TSHZ2: variants seen among roughly 807,000 people sequenced by gnomAD.
TSHZ2 encodes teashirt zinc finger homeobox 2.
In TSHZ2, 21 loss-of-function variants were observed where a neutral mutation model predicts 74.4. The observed-to-expected ratio is 0.28, with a 90% CI of 0.20 to 0.41. The LOEUF (loss-of-function observed/expected upper bound fraction) is 0.41, where lower values mean the gene tolerates loss of function less well. TSHZ2 is among the 10% of genes least tolerant of loss of function. TSHZ2 has a pLI of 1.00. For synonymous variants in TSHZ2, 540 were observed against 515.3 expected (o/e 1.05, Z -0.65); for missense variants, 1,244 against 1,293.5 (o/e 0.96, Z 0.59).
At chr20:53,298,766 G>A (rs992726811) in intron 2 of TSHZ2, among the ~76,000 whole-genome samples, 1 of 152,214 alleles carries the variant, frequency 6.6e-6, no homozygotes, top group Non-Finnish European at 1.5e-5. Context: ...CAATAGCATA[G>A]AAGAGTGTGA....
intron 1 of TSHZ2, among the ~76,000 whole-genome samples, chr20:53,235,224 G>A (rs1047149300): frequency 2.0e-5 from 3 of 152,016 alleles, no homozygotes; most frequent in Non-Finnish European, 4.4e-5. Flanking sequence ...CTGGAGTACA[G>A]TGTCATGATC....
chr20:53,380,953 G>T (rs1433631486), intron 2 of TSHZ2, among the ~76,000 whole-genome samples: 4 of 152,062 alleles, frequency 2.6e-5, no homozygotes, highest in Admixed American at 2.6e-4. Context: ...GACTATGCTG[G>T]TCTCATCAAT....
In TSHZ2 at chr20:53,101,448, C is replaced by T. The variant is rs1317745416; in HGVS notation, c.40+128115C>T. ...ATTGTAGCAACTTTTAATATCCCACCGTCGTTCTTGGTAGAAGCCAGGAAA... is the reference window on the plus strand; with the variant it reads ...ATTGTAGCAACTTTTAATATCCCACTGTCGTTCTTGGTAGAAGCCAGGAAA... On this transcript the variant is annotated intron_variant, in intron 1 of 2. Transcript: ENST00000371497. Among the ~76,000 whole-genome samples, 6 of 152,120 alleles carry T rather than the reference C, an allele frequency of 3.9e-5. No homozygotes were observed. The East Asian group carries it at 9.6e-4, about 24-fold the overall frequency.
intron 2 of TSHZ2, among the ~76,000 whole-genome samples, chr20:53,350,004 C>CT (rs1171081011): frequency 2.6e-5 from 4 of 152,298 alleles, no homozygotes; most frequent in African/African-American, 9.6e-5. Context: ...GGGCCTCTTC[C>CT]TTGAATTACT....
At chr20:53,395,910 C>A (rs1982427136) in intron 2 of TSHZ2, among the ~76,000 whole-genome samples, 1 of 152,124 alleles carries the variant, frequency 6.6e-6, no homozygotes, top group South Asian at 2.1e-4. Flanking sequence ...GATAGACACA[C>A]ATTGGAAAGT....
intron 2 of TSHZ2, among the ~76,000 whole-genome samples, chr20:53,346,789 A>G (rs1285493275): frequency 6.6e-6 from 1 of 152,230 alleles, no homozygotes; most frequent in African/African-American, 2.4e-5. Flanking sequence ...TTCTGTAGAC[A>G]TCTACAAAAA....
intron 2 of TSHZ2, among the ~76,000 whole-genome samples, chr20:53,353,481 G>T (rs1980732581): frequency 6.6e-6 from 1 of 152,176 alleles, no homozygotes; most frequent in African/African-American, 2.4e-5. Flanking sequence ...AATTGTGAAT[G>T]TCATTCCCGT....
chr20:53,036,101 A>T (rs1290414710), intron 1 of TSHZ2, among the ~76,000 whole-genome samples: 1 of 152,188 alleles, frequency 6.6e-6, no homozygotes, highest in Admixed American at 6.5e-5. Flanking sequence ...ACCACAGAAA[A>T]AGGTTGAATA....
At chr20:53,235,328 CA>C (rs1000669900) in intron 1 of TSHZ2, among the ~76,000 whole-genome samples, 20 of 151,874 alleles carry the variant, frequency 1.3e-4, no homozygotes, top group Non-Finnish European at 2.8e-4. Context: ...CCACCATACC[CA>C]GCCAATTTTT....
intron 2 of TSHZ2, among the ~76,000 whole-genome samples, chr20:53,340,862 C>A (rs544193777): frequency 1.8e-4 from 28 of 152,246 alleles, no homozygotes; most frequent in Non-Finnish European, 3.7e-4. Context: ...GTGGGGTAGG[C>A]CCTGCATCTG....
intron 1 of TSHZ2, among the ~76,000 whole-genome samples, chr20:53,096,933 C>A (rs1033778250): frequency 7.2e-6 from 1 of 139,272 alleles, no homozygotes; most frequent in Non-Finnish European, 1.6e-5. Context: ...AAAACAAAAA[C>A]AAAAAACAAA....
intron 2 of TSHZ2, among the ~76,000 whole-genome samples, chr20:53,300,934 ATTTCT>A (rs1991466110): frequency 6.6e-6 from 1 of 152,012 alleles, no homozygotes; most frequent in Admixed American, 6.6e-5. Flanking sequence ...AGACAGAGTG[ATTTCT>A]TTTCTTTTCT....
At chr20:53,339,307 G>A (rs1980082326) in intron 2 of TSHZ2, among the ~76,000 whole-genome samples, 1 of 152,150 alleles carries the variant, frequency 6.6e-6, no homozygotes, top group Admixed American at 6.5e-5. Context: ...TCAGGCCAGG[G>A]AAAGAGGGTT....
chr20:53,186,103 C>T (rs1220679992), intron 1 of TSHZ2, among the ~76,000 whole-genome samples: 2 of 152,200 alleles, frequency 1.3e-5, no homozygotes, highest in East Asian at 1.9e-4. Flanking sequence ...CTCTTATTAA[C>T]TTGATTCATA....
At chr20:53,417,922 G>C (rs947781470) in intron 2 of TSHZ2, among the ~76,000 whole-genome samples, 2 of 152,272 alleles carry the variant, frequency 1.3e-5, no homozygotes, top group South Asian at 2.1e-4. Context: ...TTGAGTGCTA[G>C]AGACACAGCA....
intron 1 of TSHZ2, among the ~76,000 whole-genome samples, chr20:53,223,619 C>T (rs1005882517): frequency 6.6e-6 from 1 of 152,138 alleles, no homozygotes; most frequent in African/African-American, 2.4e-5. Context: ...TGGTCTCAAA[C>T]TCCTGAGCCG....
In TSHZ2 at chr20:53,041,108, G is replaced by C. The variant is rs756807355; in HGVS notation, c.40+67775G>C. On this transcript the variant is annotated intron_variant, in intron 1 of 2. Coordinates refer to ENST00000371497, the MANE Select transcript of TSHZ2 (RefSeq NM_173485.6). ...TACCAGACAGTGGACTGAACCTTTT[G>C]CATATTTTATTAGTGAGGACTCTAA... Among the ~76,000 whole-genome samples the C allele has an allele frequency of 4.6e-5, 7 of 152,278 alleles. No homozygotes were observed. The South Asian group carries it at 1.2e-3, about 27-fold the overall frequency.
intron 1 of TSHZ2, among the ~76,000 whole-genome samples, chr20:53,129,528 A>C (rs1218195122): frequency 6.6e-6 from 1 of 152,240 alleles, no homozygotes; most frequent in African/African-American, 2.4e-5. Flanking sequence ...TAATATATCA[A>C]TAAGTGGATG....
chr20:53,047,481 T>C (rs912410739), intron 1 of TSHZ2, among the ~76,000 whole-genome samples: 1 of 152,130 alleles, frequency 6.6e-6, no homozygotes, highest in Non-Finnish European at 1.5e-5. Context: ...CCCCTCTTTT[T>C]AAAGATATAA....
Sources: gnomAD v4.1 joint callset for allele counts (sites outside exome capture counted in the v4.1 genomes callset) on GRCh38, gnomAD v4.1.1 for gene constraint, MANE v1.5 for transcripts, NCBI Gene and HGNC (gene_info 2026-07-23, HGNC 2026-07-21) for gene names.